The following APAF1 variants were observed in gnomAD, a reference collection of about 807,000 sequenced individuals.
The protein encoded by APAF1 is apoptotic peptidase activating factor 1.
Under a neutral mutation model 152.4 loss-of-function variants are expected in APAF1, and 91 were observed. The observed-to-expected ratio is 0.60, with a 90% CI of 0.50 to 0.71. APAF1 has a LOEUF of 0.71. Ranked by LOEUF, APAF1 falls within the 30% of genes least tolerant of loss-of-function variation. The probability of loss-of-function intolerance (pLI) is 0.00; values close to 1 mark genes in which losing one functional copy is unlikely to be tolerated. For missense variants in APAF1, 1,283 were observed against 1,472.0 expected (o/e 0.87, Z 2.10); for synonymous variants, 484 against 494.1 (o/e 0.98, Z 0.27).
At chr12:98,674,459 CTCTG>C (rs1347836699) in intron 12 of APAF1, among the ~76,000 whole-genome samples, 1 of 152,096 alleles carries the variant, frequency 6.6e-6, no homozygotes, top group Non-Finnish European at 1.5e-5. Flanking sequence ...CTCTCTCTCT[CTCTG>C]AGAAGCAGCC....
At chr12:98,662,366 T>A (rs1051362915) in intron 5 of APAF1, 90 bp from the exon 6 acceptor site, 21 of 968,830 alleles carry the variant, frequency 2.2e-5, no homozygotes, top group Non-Finnish European at 3.2e-5. Flanking sequence ...TTTAATTTGG[T>A]AGATTTTAAA....
At position 98,732,587 on chromosome 12, in the gene APAF1, G is replaced by C; in HGVS notation, c.*21G>C. On this transcript the variant is annotated 3_prime_UTR_variant, in exon 27 of 27. Transcript: ENST00000551964. ...AATAAAATAGTTAAGCATTAATGTA[G>C]TTGAACTTTTTAAATTTTTGAATTG... 6.7e-7 allele frequency: 1 copy of C among 1,498,596 alleles called. No individual in the cohort carries two copies. Among genetic ancestry groups the C allele is most frequent in the Non-Finnish European group, 9.2e-7 (1 of 1,091,498 alleles). 92.8% of individuals were successfully genotyped at this position (1,498,596 alleles called of 1,614,324 possible). A position where few individuals can be genotyped will look rare whatever the true frequency, so the allele number is the denominator to read the frequency against.
At chr12:98,667,737 G>C in intron 10 of APAF1, 93 bp downstream of exon 10, 1 of 826,126 alleles carries the variant, frequency 1.2e-6, no homozygotes. Context: ...TTTTTGTCTT[G>C]AATTTTGTTC....
At chr12:98,702,084 G>A (rs192224878) in intron 17 of APAF1, among the ~76,000 whole-genome samples, 2,406 of 147,044 alleles carry the variant, frequency 0.016, 40 homozygotes, top group Non-Finnish European at 0.021. Flanking sequence ...TTTTTTTTTT[G>A]AGATGGAGTC....
intron 19 of APAF1, among the ~76,000 whole-genome samples, chr12:98,708,159 C>T (rs78065602): frequency 6.6e-6 from 1 of 152,150 alleles, no homozygotes; most frequent in Non-Finnish European, 1.5e-5. Flanking sequence ...GTTGGTCAGA[C>T]GTCTTGAACT....
rs534113663 is a variant in APAF1 at position 98,729,586 on chromosome 12, T to C, written c.3600+2270T>C. On this transcript the variant is annotated intron_variant, in intron 26 of 26. Coordinates refer to ENST00000551964, the MANE Select transcript of APAF1 (RefSeq NM_181861.2). ...GGTCCATGGCCCAGGGACTGGGGAC[T>C]CCTCTATATTGGGCTGATCACTTGG... Among the ~76,000 whole-genome samples, 188 of 152,352 alleles carry C rather than the reference T, an allele frequency of 1.2e-3. 2 individuals carry two copies. The highest frequency in any genetic ancestry group is 4.2e-3 in the African/African-American group (175 of 41,588).
chr12:98,660,645 C>T (rs1333470202), intron 5 of APAF1, among the ~76,000 whole-genome samples: 1 of 152,188 alleles, frequency 6.6e-6, no homozygotes, highest in Admixed American at 6.5e-5. Flanking sequence ...ATCTTAACAG[C>T]CTCTCTTTCA....
At position 98,649,618 on chromosome 12, in the gene APAF1, G is replaced by A. The variant is rs1376222776; in HGVS notation, c.460G>A (p.Gly154Arg). 6.2e-7 allele frequency: 1 copy of A among 1,614,164 alleles called. No individual in the cohort carries two copies. The change falls in exon 4 of 27, where the codon GGA becomes AGA. Residue 154 changes from glycine (G) to arginine (R), a missense_variant. Physicochemically the swap from Gly to Arg is moderately radical, Grantham distance 125. Transcript: ENST00000551964. The part of the protein sequence containing the change: ...KGEPGWVTIH[G>R]MAGCGKSVLA... ...TGAACCAGGATGGGTCACCATACAT[G>A]GAATGGCAGGCTGTGGGAAGTCTGT...
chr12:98,693,408 C>CA (rs1317843509), intron 16 of APAF1, among the ~76,000 whole-genome samples: 1 of 152,082 alleles, frequency 6.6e-6, no homozygotes, highest in Non-Finnish European at 1.5e-5. Flanking sequence ...GATTTTTGTA[C>CA]ATTGATTTTG....
At chr12:98,649,390 G>C in intron 3 of APAF1, 97 bp from the exon 4 acceptor site, 1 of 1,447,244 alleles carries the variant, frequency 6.9e-7, no homozygotes, top group Non-Finnish European at 9.5e-7. Flanking sequence ...GAAATTTTCA[G>C]GCTAAGCCTC....
intron 22 of APAF1, 35 bp from the exon 23 acceptor site, chr12:98,723,158 G>T: frequency 6.2e-7 from 1 of 1,608,264 alleles, no homozygotes; most frequent in Non-Finnish European, 8.5e-7. Flanking sequence ...AGGATCGGGG[G>T]AGGATTATAA....
intron 16 of APAF1, among the ~76,000 whole-genome samples, chr12:98,692,819 T>C (rs117751447): frequency 0.016 from 2,413 of 152,350 alleles, 39 homozygotes; most frequent in Middle Eastern, 0.044. Flanking sequence ...GGTTTGTGTC[T>C]TTGCTGTTAC....
At chr12:98,649,446 A>G (rs543198438) in intron 3 of APAF1, 41 bp from the exon 4 acceptor site, 7 of 1,598,870 alleles carry the variant, frequency 4.4e-6, no homozygotes, top group South Asian at 3.3e-5. Context: ...TAATTATTCC[A>G]AAGTTCTATT....
intron 15 of APAF1, among the ~76,000 whole-genome samples, chr12:98,684,174 T>G (rs1052818242): frequency 6.6e-6 from 1 of 152,208 alleles, no homozygotes; most frequent in African/African-American, 2.4e-5. Context: ...AATAAATTAT[T>G]AGAAAAATTA....
chr12:98,721,690 AC>A (rs1282030301), intron 22 of APAF1, among the ~76,000 whole-genome samples: 1 of 152,088 alleles, frequency 6.6e-6, no homozygotes, highest in African/African-American at 2.4e-5. Context: ...TGCATACAAG[AC>A]CCCATGCTCC....
chr12:98,647,513 C>T (rs1387907585), intron 1 of APAF1, among the ~76,000 whole-genome samples: 3 of 151,872 alleles, frequency 2.0e-5, no homozygotes, highest in African/African-American at 7.3e-5. Context: ...GCTGGGATTA[C>T]AGGCACCTGC....
At chr12:98,648,924 C>A in intron 3 of APAF1, 109 bp downstream of exon 3, 1 of 1,082,544 alleles carries the variant, frequency 9.2e-7, no homozygotes, top group Non-Finnish European at 1.4e-6. Flanking sequence ...CTGAAAACTG[C>A]ATGTTAAAAA....
chr12:98,701,740 C>T (rs1229604849), intron 17 of APAF1, among the ~76,000 whole-genome samples: 1 of 152,188 alleles, frequency 6.6e-6, no homozygotes, highest in Non-Finnish European at 1.5e-5. Flanking sequence ...AAGAAAGCTA[C>T]CCAAAGGTGT....
intron 12 of APAF1, among the ~76,000 whole-genome samples, chr12:98,675,261 G>T (rs1006757891): frequency 1.3e-5 from 2 of 152,102 alleles, no homozygotes; most frequent in African/African-American, 4.8e-5. Flanking sequence ...TCATTCATTT[G>T]TTATTTGTCT....
Sources: allele counts gnomAD v4.1 joint callset (sites outside exome capture counted in the v4.1 genomes callset), GRCh38; gene constraint gnomAD v4.1.1; transcripts MANE v1.5; gene names NCBI Gene and HGNC (gene_info 2026-07-23, HGNC 2026-07-21).